EIF2AK1: variants seen among roughly 807,000 people sequenced by gnomAD.
EIF2AK1 encodes eukaryotic translation initiation factor 2-alpha kinase 1.
A neutral mutation model predicts 77.9 loss-of-function variants in EIF2AK1; 54 were observed. The observed-to-expected ratio is 0.69, with a 90% CI of 0.56 to 0.87. The LOEUF is 0.87. EIF2AK1 is among the 40% of genes least tolerant of loss of function. The pLI, the probability that EIF2AK1 is intolerant of heterozygous loss-of-function variation, is 0.00. For synonymous variants in EIF2AK1, 314 were observed against 290.5 expected (o/e 1.08, Z -0.82); for missense variants, 810 against 768.6 (o/e 1.05, Z -0.64).
chr7:6,038,520 G>A lies in EIF2AK1; in HGVS notation c.1231+40C>T, dbSNP rs760948449. ...TACATGAGATGGGGAAGGTGTGACT[G>A]TGTCTATTTCCCGGCCCGGCAGACC... On this transcript the variant is annotated intron_variant, in intron 10 of 14. Coordinates refer to ENST00000199389, the MANE Select transcript of EIF2AK1 (RefSeq NM_014413.4). 5.3e-6 allele frequency: 8 copies of A among 1,514,272 alleles called. No individual in the cohort carries two copies. The South Asian group carries it at 5.9e-5, about 11-fold the overall frequency. 93.8% of individuals were successfully genotyped at this position (1,514,272 alleles called of 1,614,324 possible). A position where few individuals can be genotyped will look rare whatever the true frequency, so the allele number is the denominator to read the frequency against.
At chr7:6,046,731 G>A (rs930613369) in intron 5 of EIF2AK1, 4 of 284,426 alleles carry the variant, frequency 1.4e-5, no homozygotes, top group East Asian at 8.4e-5. Context: ...GTGAAACCCC[G>A]TCTCTATTAA....
chr7:6,056,413 T>A (rs1481532566), intron 1 of EIF2AK1, among the ~76,000 whole-genome samples: 4 of 147,750 alleles, frequency 2.7e-5, no homozygotes, highest in African/African-American at 1.0e-4. Context: ...GCCAAGATGG[T>A]GAAACCCCGT....
chr7:6,048,925 T>A, intron 3 of EIF2AK1, 81 bp from the exon 4 acceptor site: 1 of 922,910 alleles, frequency 1.1e-6, no homozygotes, highest in Non-Finnish European at 1.7e-6. Flanking sequence ...AATATCACAT[T>A]AACAACCCCA....
At chr7:6,042,034 A>G (rs917151767) in intron 8 of EIF2AK1, among the ~76,000 whole-genome samples, 1 of 152,114 alleles carries the variant, frequency 6.6e-6, no homozygotes, top group Admixed American at 6.6e-5. Flanking sequence ...TTGTAGTCCC[A>G]GCTACTCAGG....
At position 6,033,510 on chromosome 7, in the gene EIF2AK1, C is replaced by T. The variant is rs944807420; in HGVS notation, c.1332+3914G>A. Among the ~76,000 whole-genome samples, 3 of 152,118 alleles carry T rather than the reference C, an allele frequency of 2.0e-5. No individual in the cohort carries two copies. The highest frequency in any genetic ancestry group is 7.2e-5 in the African/African-American group (3 of 41,402). On this transcript the variant is annotated intron_variant, in intron 11 of 14. Transcript: ENST00000199389. The surrounding 1 kb of genome is among the most constrained non-coding windows in gnomAD (Gnocchi z 4.4). ...GTGTTGTGAGGAATGCAGTAAAGTC[C>T]TTGCCATGGCCTTCAATAAGTTTAA...
rs368599400 is a variant in EIF2AK1, at chr7:6,056,034, T to C, written c.119-1330A>G. On this transcript the variant is annotated intron_variant, in intron 1 of 14. Coordinates refer to ENST00000199389, the MANE Select transcript of EIF2AK1 (RefSeq NM_014413.4). ...CTAGCTGGGTGTGGTGGCTCACATC[T>C]GTAATTCCAGCACTTAGAGAGGCCG... Among the ~76,000 whole-genome samples, 22 of 140,176 alleles carry C rather than the reference T, an allele frequency of 1.6e-4. No individual in the cohort carries two copies. In the Middle Eastern group the frequency reaches 0.022, roughly 140 times the overall value. The allele number at this position is 140,176 out of a possible 152,430, so 92.0% of individuals were successfully genotyped here.
chr7:6,049,657 C>A, intron 3 of EIF2AK1: 4 of 246,224 alleles, frequency 1.6e-5, no homozygotes, highest in Non-Finnish European at 2.2e-5. Flanking sequence ...GGCAGGTTCT[C>A]ACTCTGCTGC....
chr7:6,058,905 CG>C (rs1788872255), intron 1 of EIF2AK1, 60 bp downstream of exon 1: 1 of 1,407,796 alleles, frequency 7.1e-7, no homozygotes, highest in African/African-American at 1.5e-5. Flanking sequence ...CTGCCTTTGC[CG>C]CCCAGAAACG....
rs1280724184 is a variant in EIF2AK1 at position 6,033,801 on chromosome 7, C to T, written c.1332+3623G>A. Among the ~76,000 whole-genome samples the T allele has an allele frequency of 6.6e-6, 1 of 151,582 alleles. No individual in the cohort carries two copies. Among genetic ancestry groups the T allele is most frequent in the Non-Finnish European group, 1.5e-5 (1 of 67,880 alleles). ...AGCCAGGATAGTCTCAATCTCCTGA[C>T]CTCGTGATCCGTCCACCTCAGCCTC... is the stretch of plus-strand genomic sequence containing the variant. On this transcript the variant is annotated intron_variant, in intron 11 of 14. Transcript: ENST00000199389. The surrounding 1 kb of genome is among the most constrained non-coding windows in gnomAD (Gnocchi z 4.4).
At position 6,026,811 on chromosome 7, in the gene EIF2AK1, G is replaced by A. The variant is rs767695013; in HGVS notation, c.1681C>T (p.Gln561Ter). Reference sequence around the variant, plus strand: ...GATGAGTTCCTTCTCGTTAAGTGCTGGATATACTTGGCTTGCACTGGACAC... The same window carrying A: ...GATGAGTTCCTTCTCGTTAAGTGCTAGATATACTTGGCTTGCACTGGACAC... ...KRCPVQAKYI[Q>*]HLTRRNSSQR... The change falls in exon 14 of 15, where the codon CAG becomes TAG. Residue 561 changes from glutamine (Q) to a stop codon, truncating the protein, a stop_gained. Coordinates refer to ENST00000199389, the MANE Select transcript of EIF2AK1 (RefSeq NM_014413.4). LOFTEE classifies it high-confidence loss of function. 1 of 1,614,088 alleles carries A rather than the reference G, an allele frequency of 6.2e-7. No individual in the cohort carries two copies. The highest frequency in any genetic ancestry group is 1.3e-5 in the African/African-American group (1 of 74,934).
chr7:6,049,858 CTTAAAA>C (rs1163795920), intron 3 of EIF2AK1, 48 bp downstream of exon 3: 15 of 1,480,378 alleles, frequency 1.0e-5, no homozygotes, highest in Middle Eastern at 2.4e-4. Context: ...ATATAATTAT[CTTAAAA>C]TTAAAGTATA....
In EIF2AK1 at chr7:6,049,820, T is replaced by C. The variant is rs1022878861; in HGVS notation, c.411+92A>G. ...AGTTTATACTTTTAAAAACTTGTTT[T>C]ATAATCAGAATTTCACAGTGCTTTA... On this transcript the variant is annotated intron_variant, in intron 3 of 14. Coordinates refer to ENST00000199389, the MANE Select transcript of EIF2AK1 (RefSeq NM_014413.4). 5 of 1,319,376 alleles carry C rather than the reference T, an allele frequency of 3.8e-6. No homozygotes were observed. In the African/African-American group the frequency reaches 7.6e-5, roughly 20 times the overall value. The allele number at this position is 1,319,376 out of a possible 1,614,324, so 81.7% of individuals were successfully genotyped here.
intron 2 of EIF2AK1, among the ~76,000 whole-genome samples, chr7:6,053,878 G>A (rs1199650502): frequency 6.7e-6 from 1 of 148,954 alleles, no homozygotes; most frequent in East Asian, 2.0e-4. Context: ...CACCATGTTG[G>A]TCAGGCTGGT....
At chr7:6,043,040 A>G (rs1554321091) in intron 7 of EIF2AK1, 47 bp from the exon 8 acceptor site, 1 of 1,578,334 alleles carries the variant, frequency 6.3e-7, no homozygotes, top group South Asian at 1.1e-5. Context: ...CCAGTTTTTC[A>G]AATTGTAGTC....
At chr7:6,056,628 A>G (rs6955373) in intron 1 of EIF2AK1, among the ~76,000 whole-genome samples, 925 of 75,600 alleles carry the variant, frequency 0.012, 46 homozygotes, top group Middle Eastern at 0.03. Flanking sequence ...ATATATATAT[A>G]TATATATAAA....
intron 8 of EIF2AK1, among the ~76,000 whole-genome samples, chr7:6,041,580 G>T (rs1788298996): frequency 1.3e-5 from 2 of 151,872 alleles, no homozygotes; most frequent in Non-Finnish European, 2.9e-5. Context: ...AGTGGCTCAT[G>T]CCTGTAATCC....
chr7:6,024,092 T>C lies in EIF2AK1; in HGVS notation c.*581A>G. 7.7e-7 allele frequency: 1 copy of C among 1,299,300 alleles called. No individual in the cohort carries two copies. The highest frequency in any genetic ancestry group is 1.2e-5 in the South Asian group (1 of 81,112). The allele number at this position is 1,299,300 out of a possible 1,614,324, so 80.5% of individuals were successfully genotyped here. A position where few individuals can be genotyped will look rare whatever the true frequency, so the allele number is the denominator to read the frequency against. ...TGCGGAGTACAAAGCTTTGCAAGGG[T>C]GTGGTTTTGGAATGACGCTAAACTG... On this transcript the variant is annotated 3_prime_UTR_variant, in exon 15 of 15. Coordinates refer to ENST00000199389, the MANE Select transcript of EIF2AK1 (RefSeq NM_014413.4).
chr7:6,041,626 G>A (rs1788299876), intron 8 of EIF2AK1, among the ~76,000 whole-genome samples: 1 of 152,018 alleles, frequency 6.6e-6, no homozygotes, highest in Admixed American at 6.6e-5. Flanking sequence ...CAGATCACAA[G>A]GTCAGAAGTT....
chr7:6,050,663 C>T (rs1432285820), intron 2 of EIF2AK1, among the ~76,000 whole-genome samples: 1 of 145,262 alleles, frequency 6.9e-6, no homozygotes, highest in Non-Finnish European at 1.5e-5. Context: ...AGTGCACTGG[C>T]GCGATCTCGG....
Sources: gnomAD v4.1 joint callset for allele counts (sites outside exome capture counted in the v4.1 genomes callset) on GRCh38, gnomAD v4.1.1 for gene constraint, Gnocchi (gnomAD v3.1) non-coding constraint, MANE v1.5 for transcripts, NCBI Gene and HGNC (gene_info 2026-07-23, HGNC 2026-07-21) for gene names.